TNRC6C: variants seen among roughly 807,000 people sequenced by gnomAD.
The protein encoded by TNRC6C is trinucleotide repeat containing adaptor 6C, also known as trinucleotide repeat-containing gene 6C protein.
In TNRC6C, 20 loss-of-function variants were observed where a neutral mutation model predicts 153.7. That is an observed-to-expected ratio of 0.13 (90% CI 0.09 to 0.19). TNRC6C has a LOEUF of 0.19. Ranked by LOEUF, TNRC6C falls within the 10% of genes least tolerant of loss-of-function variation. The pLI is 1.00. For missense variants in TNRC6C, 1,987 were observed against 2,172.0 expected (o/e 0.91, Z 1.69); for synonymous variants, 811 against 841.4 (o/e 0.96, Z 0.63).
At chr17:77,965,375 C>T (rs2070889233) in intron 1 of TNRC6C, among the ~76,000 whole-genome samples, 2 of 152,244 alleles carry the variant, frequency 1.3e-5, no homozygotes, top group Non-Finnish European at 2.9e-5. Context: ...CATTTCTCCT[C>T]AGCAGCTTAT....
intron 14 of TNRC6C, 88 bp from the exon 17 acceptor site, chr17:78,092,845 A>G (rs2073417303): frequency 8.7e-7 from 1 of 1,152,870 alleles, no homozygotes; most frequent in African/African-American, 1.5e-5. Flanking sequence ...CCTAGAACAG[A>G]AGGTACATAG....
intron 17 of TNRC6C, 89 bp from the exon 21 acceptor site, chr17:78,102,385 C>G: frequency 8.1e-7 from 1 of 1,231,592 alleles, no homozygotes; most frequent in African/African-American, 1.5e-5. Flanking sequence ...CCTGTGCTGT[C>G]CCACACTTCA....
Position 78,079,210 on chromosome 17 carries a change from C to T in TNRC6C, c.3211-185C>T, listed in dbSNP as rs1275964870. 6.6e-6 allele frequency among the ~76,000 whole-genome samples: 1 copy of T among 152,048 alleles called. No individual in the cohort carries two copies. The highest frequency in any genetic ancestry group is 2.4e-5 in the African/African-American group (1 of 41,408). The stretch of plus-strand genomic sequence containing the variant: ...GCTACAGTGAGCCAAGACCGCGCTA[C>T]TGCACTCCAGTCTGGGTGACAGAAC... On this transcript the variant is annotated intron_variant, in intron 9 of 19. Transcript: ENST00000301624. This position sits in a 1 kb window ranked among gnomAD's most constrained non-coding sequence, Gnocchi z 4.3.
intron 10 of TNRC6C, among the ~76,000 whole-genome samples, chr17:78,082,423 A>G (rs1396939086): frequency 6.6e-6 from 1 of 152,194 alleles, no homozygotes; most frequent in East Asian, 1.9e-4. Flanking sequence ...AGTTTCTAAC[A>G]GAGCCTTAAA....
intron 13 of TNRC6C, among the ~76,000 whole-genome samples, chr17:78,090,086 GTGGCACTGA>G (rs750447890): frequency 4.6e-5 from 7 of 152,240 alleles, no homozygotes; most frequent in Non-Finnish European, 1.0e-4. Context: ...AGGCAGCCCT[GTGGCACTGA>G]TGGGCTTGCA....
At chr17:78,070,160 C>CT (rs1205739795) in intron 5 of TNRC6C, among the ~76,000 whole-genome samples, 1 of 152,164 alleles carries the variant, frequency 6.6e-6, no homozygotes, top group African/African-American at 2.4e-5. Context: ...AAAAAGAATC[C>CT]TTTTTACAGT....
chr17:77,986,877 A>G (rs1447298182), intron 1 of TNRC6C, among the ~76,000 whole-genome samples: 1 of 152,228 alleles, frequency 6.6e-6, no homozygotes, highest in Non-Finnish European at 1.5e-5. Context: ...AAAAGAAGGT[A>G]GATCCTAGTG....
At chr17:78,093,501 C>G in intron 15 of TNRC6C, 119 bp from the exon 18 acceptor site, 1 of 1,266,696 alleles carries the variant, frequency 7.9e-7, no homozygotes, top group Non-Finnish European at 1.1e-6. Context: ...AGGTGTACCT[C>G]TAATTTAATT....
intron 1 of TNRC6C, among the ~76,000 whole-genome samples, chr17:77,986,729 A>G (rs2071175209): frequency 6.6e-6 from 1 of 152,188 alleles, no homozygotes; most frequent in African/African-American, 2.4e-5. Flanking sequence ...GCAGTTATTA[A>G]TGGAGCAGAA....
chr17:78,012,298 C>T (rs960494527), intron 1 of TNRC6C, among the ~76,000 whole-genome samples: 4 of 152,046 alleles, frequency 2.6e-5, no homozygotes, highest in African/African-American at 9.7e-5. Flanking sequence ...AGATCAGTTC[C>T]CTGTTCTCAA....
intron 1 of TNRC6C, among the ~76,000 whole-genome samples, chr17:77,980,301 TG>T (rs2071056583): frequency 6.6e-6 from 1 of 152,136 alleles, no homozygotes; most frequent in Admixed American, 6.5e-5. Context: ...AAATAATAAA[TG>T]GCAACAGCAA....
chr17:77,989,131 G>A (rs943474244), intron 1 of TNRC6C, among the ~76,000 whole-genome samples: 5 of 152,194 alleles, frequency 3.3e-5, no homozygotes, highest in African/African-American at 1.2e-4. Context: ...TTCTGAAGAA[G>A]GGAGGGACCA....
chr17:78,049,168 G>A lies in TNRC6C; in HGVS notation c.106G>A (p.Ala36Thr), dbSNP rs771040587. Residue 36 changes from alanine (A) to threonine (T), a missense_variant, in exon 3 of 20, where the codon GCC becomes ACC. Physicochemically the swap from Ala to Thr is moderately conservative, Grantham distance 58. This residue lies in a region of TNRC6C where 1,052 missense variants were observed against 1,017.0 expected (regional missense o/e 1.03). Transcript: ENST00000301624. This position sits in a 1 kb window ranked among gnomAD's most constrained non-coding sequence, Gnocchi z 4.1. ...CGTCCAAAGCCCTTCTAATCAGAGT[G>A]CCCTTGGAGCAGGGGGAGCGAACAG... 1 of 1,612,932 alleles carries A rather than the reference G, an allele frequency of 6.2e-7. No homozygotes were observed. Among genetic ancestry groups the A allele is most frequent in the South Asian group, 1.1e-5 (1 of 90,810 alleles).
chr17:78,087,664 G>A (rs577441600), intron 13 of TNRC6C, among the ~76,000 whole-genome samples: 1 of 152,262 alleles, frequency 6.6e-6, no homozygotes, highest in African/African-American at 2.4e-5. Flanking sequence ...GTCAGTAAAA[G>A]TATTCAGATT....
chr17:78,097,894 ATTTTCTTTC>A (rs1315620910), intron 16 of TNRC6C, 33 bp downstream of exon 19: 2 of 1,464,290 alleles, frequency 1.4e-6, no homozygotes, highest in Non-Finnish European at 1.8e-6. Flanking sequence ...TGCAGGTAGC[ATTTTCTTTC>A]TTTTCCCAAA....
intron 1 of TNRC6C, among the ~76,000 whole-genome samples, chr17:77,987,955 T>C (rs1439958829): frequency 1.3e-5 from 2 of 152,044 alleles, no homozygotes; most frequent in Admixed American, 6.6e-5. Context: ...GCTGGGATTA[T>C]AGATGTGAGC....
chr17:77,961,387 T>C (rs113112019), intron 1 of TNRC6C, among the ~76,000 whole-genome samples: 7,787 of 152,206 alleles, frequency 0.051, 467 homozygotes, highest in African/African-American at 0.15. Context: ...AACTCCTGAC[T>C]TCAGGTGATC....
intron 5 of TNRC6C, among the ~76,000 whole-genome samples, 178 bp from the exon 8 acceptor site, chr17:78,070,907 C>T (rs976007573): frequency 6.6e-6 from 1 of 152,078 alleles, no homozygotes; most frequent in Non-Finnish European, 1.5e-5. Flanking sequence ...TGATGCTTTC[C>T]GTAGCAGTAG....
At position 77,975,897 on chromosome 17, in the gene TNRC6C, A is replaced by G. The variant is rs868785498; in HGVS notation, c.-38+16629A>G. On this transcript the variant is annotated intron_variant, in intron 1 of 22. Transcript: ENST00000636222. The stretch of plus-strand genomic sequence containing the variant: ...TTTATGAAAAATGTAGGTCGTCTTT[A>G]TTTTTCTCATTCCATGGTGTTATAA... 3.9e-5 allele frequency among the ~76,000 whole-genome samples: 6 copies of G among 152,118 alleles called. No homozygotes were observed. In the South Asian group the frequency reaches 6.2e-4, roughly 16 times the overall value.
Sources: allele counts gnomAD v4.1 joint callset (sites outside exome capture counted in the v4.1 genomes callset), GRCh38; gene constraint gnomAD v4.1.1; regional missense constraint gnomAD v4.1.1; non-coding constraint Gnocchi (gnomAD v3.1); transcripts MANE v1.5; gene names NCBI Gene and HGNC (gene_info 2026-07-23, HGNC 2026-07-21).